The following DPY30 variants were observed in gnomAD, a reference collection of about 807,000 sequenced individuals.
The protein encoded by DPY30 is dpy-30 histone methyltransferase complex regulatory subunit.
In DPY30, 6 loss-of-function variants were observed where a neutral mutation model predicts 16.2. The ratio of observed to expected loss-of-function variants is 0.37; its 90% CI spans 0.20 to 0.73. The LOEUF (loss-of-function observed/expected upper bound fraction) is 0.73, where lower values mean the gene tolerates loss of function less well. DPY30 is among the 30% of genes least tolerant of loss of function. The probability of loss-of-function intolerance (pLI) is 0.51; values close to 1 mark genes in which losing one functional copy is unlikely to be tolerated. For synonymous variants in DPY30, 39 were observed against 38.8 expected (o/e 1.00, Z -0.02); for missense variants, 73 against 113.1 (o/e 0.65, Z 1.61).
chr2:32,019,007 T>C (rs1675114167), downstream of DPY30, among the ~76,000 whole-genome samples: 2 of 152,120 alleles, frequency 1.3e-5, no homozygotes, highest in Admixed American at 1.3e-4. Context: ...ACCTGGGTGA[T>C]GGAGCAAGAC....
chr2:32,020,147 A>C (rs1197910548), downstream of DPY30, among the ~76,000 whole-genome samples: 3 of 151,974 alleles, frequency 2.0e-5, no homozygotes, highest in Non-Finnish European at 1.5e-5. Flanking sequence ...TGAGCCCAGG[A>C]GTAAGCTATG....
chr2:32,017,766 T>C (rs1305948553), intron 5 of DPY30, among the ~76,000 whole-genome samples: 1 of 152,218 alleles, frequency 6.6e-6, no homozygotes, highest in Non-Finnish European at 1.5e-5. Context: ...AAACATTACA[T>C]AAGCCAAAGA....
intron 3 of DPY30, among the ~76,000 whole-genome samples, chr2:32,031,534 T>C (rs1675539984): frequency 2.0e-5 from 3 of 152,112 alleles, no homozygotes; most frequent in African/African-American, 7.2e-5. Flanking sequence ...GAGGCAGTGG[T>C]TGCAGTGAGC....
At chr2:32,029,172 T>G (rs2148661455) in intron 4 of DPY30, among the ~76,000 whole-genome samples, 1 of 151,912 alleles carries the variant, frequency 6.6e-6, no homozygotes, top group East Asian at 1.9e-4. Context: ...CCCGGGAGGC[T>G]GAGACACAAG....
In DPY30 at chr2:32,039,345, G is replaced by C; in HGVS notation, c.37-19C>G. 2 of 1,614,056 alleles carry C rather than the reference G, an allele frequency of 1.2e-6. No homozygotes were observed. Among genetic ancestry groups the C allele is most frequent in the Non-Finnish European group, 1.7e-6 (2 of 1,180,010 alleles). On this transcript the variant is annotated intron_variant, in intron 2 of 4. Coordinates refer to ENST00000342166, the MANE Select transcript of DPY30 (RefSeq NM_001321209.2). ...CTGCAACCTAGAAAACAAAACACCG[G>C]TCACAGAGATATAAGTCCCCCCTTT... is the stretch of plus-strand genomic sequence containing the variant.
chr2:32,024,629 TGTTTA>T (rs1675265161), intron 4 of DPY30, among the ~76,000 whole-genome samples: 1 of 152,222 alleles, frequency 6.6e-6, no homozygotes, highest in South Asian at 2.1e-4. Flanking sequence ...TACACAGGTA[TGTTTA>T]GTTTGTGAAA....
At chr2:32,025,592 C>A (rs1315713929) in intron 4 of DPY30, among the ~76,000 whole-genome samples, 3 of 151,436 alleles carry the variant, frequency 2.0e-5, no homozygotes, top group African/African-American at 7.3e-5. Flanking sequence ...GAAATCCTGT[C>A]TCCACTAAAA....
At chr2:32,013,905 G>A (rs1395258753) in intron 5 of DPY30, among the ~76,000 whole-genome samples, 1 of 152,224 alleles carries the variant, frequency 6.6e-6, no homozygotes, top group Non-Finnish European at 1.5e-5. Flanking sequence ...CAACTCGGGA[G>A]GCTGAGGCAG....
At chr2:32,039,366 C>A in intron 2 of DPY30, 40 bp from the exon 3 acceptor site, 1 of 1,614,154 alleles carries the variant, frequency 6.2e-7, no homozygotes, top group Admixed American at 1.7e-5. Context: ...ATAAGTCCCC[C>A]CTTTCTCGCT....
downstream of DPY30, among the ~76,000 whole-genome samples, chr2:32,019,125 G>A (rs150173498): frequency 3.7e-3 from 567 of 152,090 alleles, 5 homozygotes; most frequent in African/African-American, 0.013. Context: ...ACAGAGTCTC[G>A]CTCTATCACC....
At chr2:32,028,660 G>T (rs757401447) in intron 4 of DPY30, among the ~76,000 whole-genome samples, 27 of 152,236 alleles carry the variant, frequency 1.8e-4, no homozygotes, top group Non-Finnish European at 3.5e-4. Context: ...AACTAGCCGG[G>T]CATGGTGGTG....
Position 32,023,938 on chromosome 2 carries a change from T to TA in DPY30, c.*245dup, listed in dbSNP as rs1675241594. On this transcript the variant is annotated 3_prime_UTR_variant, in exon 5 of 5. Transcript: ENST00000342166. ...TGACAGTTTATTTTGAAGGTCATTTTAAAAACAAAGTTAAAGACAATCTGA... is the reference window on the plus strand; with the variant it reads ...TGACAGTTTATTTTGAAGGTCATTTTAAAAAACAAAGTTAAAGACAATCTGA... 1 of 1,380,058 alleles carries TA rather than the reference T, an allele frequency of 7.2e-7. No homozygotes were observed. The allele number at this position is 1,380,058 out of a possible 1,614,324, so 85.5% of individuals were successfully genotyped here. A position where few individuals can be genotyped will look rare whatever the true frequency, so the allele number is the denominator to read the frequency against.
chr2:32,019,963 T>C (rs2148652673), downstream of DPY30, among the ~76,000 whole-genome samples: 1 of 149,210 alleles, frequency 6.7e-6, no homozygotes. Context: ...AACATATACA[T>C]ATATATATAT....
chr2:32,016,213 T>G (rs1675062175), intron 5 of DPY30, among the ~76,000 whole-genome samples: 1 of 152,096 alleles, frequency 6.6e-6, no homozygotes, highest in African/African-American at 2.4e-5. Context: ...GCTGGCAAGG[T>G]TTTTTAAAAA....
At chr2:32,033,983 T>C (rs577992782) in intron 3 of DPY30, among the ~76,000 whole-genome samples, 1 of 152,248 alleles carries the variant, frequency 6.6e-6, no homozygotes, top group Admixed American at 6.6e-5. Flanking sequence ...GGATAAAGTG[T>C]AGGGAGAGAG....
At chr2:32,023,335 G>GACTGA (rs1223629886), downstream of DPY30, 1 of 442,970 alleles carries the variant, frequency 2.3e-6, no homozygotes, top group Non-Finnish European at 4.6e-6. Flanking sequence ...CCCCAAAAAG[G>GACTGA]ACTGGCTGCT....
chr2:32,031,469 C>T (rs1345003022), intron 3 of DPY30, among the ~76,000 whole-genome samples: 2 of 151,686 alleles, frequency 1.3e-5, no homozygotes, highest in African/African-American at 4.8e-5. Context: ...TGGTGGTGCA[C>T]ACCTGTAATG....
chr2:32,014,801 A>T (rs1309638578), intron 5 of DPY30, among the ~76,000 whole-genome samples: 3 of 152,094 alleles, frequency 2.0e-5, no homozygotes, highest in Non-Finnish European at 4.4e-5. Context: ...ATCTTTAAAA[A>T]AAAAAAGAAG....
chr2:32,020,229 T>A (rs976776342), downstream of DPY30, among the ~76,000 whole-genome samples: 3 of 150,576 alleles, frequency 2.0e-5, no homozygotes, highest in African/African-American at 7.4e-5. Flanking sequence ...CTGGGCACAG[T>A]GGCTCTCACA....
Sources: gnomAD v4.1 joint callset for allele counts (sites outside exome capture counted in the v4.1 genomes callset) on GRCh38, gnomAD v4.1.1 for gene constraint, MANE v1.5 for transcripts, NCBI Gene and HGNC (gene_info 2026-07-23, HGNC 2026-07-21) for gene names.